The following ZNF280D variants were observed in gnomAD, a reference collection of about 807,000 sequenced individuals.
ZNF280D encodes the protein suppressor of hairy wing homolog 4.
In ZNF280D, 39 loss-of-function variants were observed where a neutral mutation model predicts 94.7. The observed-to-expected ratio is 0.41, with a 90% CI of 0.32 to 0.54. The LOEUF is 0.54. ZNF280D is among the 20% of genes least tolerant of loss of function. The pLI, the probability that ZNF280D is intolerant of heterozygous loss-of-function variation, is 0.22. For missense variants in ZNF280D, 1,090 were observed against 1,149.3 expected (o/e 0.95, Z 0.75); for synonymous variants, 398 against 377.6 (o/e 1.05, Z -0.63).
At chr15:56,728,474 G>A (rs566228193) in intron 1 of ZNF280D, among the ~76,000 whole-genome samples, 1 of 152,164 alleles carries the variant, frequency 6.6e-6, no homozygotes, top group East Asian at 1.9e-4. Context: ...TGCAATTGTG[G>A]AGCAAAGAAG....
At position 56,678,664 on chromosome 15, in the gene ZNF280D, T is replaced by A. The variant is rs1460699126; in HGVS notation, c.1162A>T (p.Thr388Ser). ...ESTHTPHEFS[T>S]ICKICELSFE... ...ATATTTAAATGTATTGGTAACTTAC[T>A]AGAAAATTCATGGGGCGTATGTGTA... is the stretch of plus-strand genomic sequence containing the variant. Residue 388 changes from threonine (T) to serine (S), a missense_variant and splice_region_variant, in exon 11 of 22, where the codon ACT becomes TCT. Thr to Ser is a moderately conservative substitution (Grantham distance 58). Coordinates refer to ENST00000267807, the MANE Select transcript of ZNF280D (RefSeq NM_017661.4). 1.3e-6 allele frequency: 2 copies of A among 1,582,734 alleles called. No homozygotes were observed. The highest frequency in any genetic ancestry group is 1.7e-6 in the Non-Finnish European group (2 of 1,165,270).
intron 19 of ZNF280D, chr15:56,653,219 G>T (rs539427120): frequency 1.8e-6 from 2 of 1,106,644 alleles, no homozygotes; most frequent in African/African-American, 3.2e-5. Flanking sequence ...TCATGCTAGA[G>T]AAAGATTTAA....
intron 1 of ZNF280D, among the ~76,000 whole-genome samples, chr15:56,716,767 ACT>A (rs1303251936): frequency 1.5e-4 from 23 of 152,290 alleles, no homozygotes; most frequent in South Asian, 1.5e-3. Flanking sequence ...CACTTGAAAT[ACT>A]ACATATTGGC....
rs200439721 is a variant in ZNF280D at position 56,665,341 on chromosome 15, T to C, written c.1994+1054A>G. 2.0e-5 allele frequency among the ~76,000 whole-genome samples: 3 copies of C among 152,276 alleles called. No homozygotes were observed. The East Asian group carries it at 5.8e-4, about 29-fold the overall frequency. On this transcript the variant is annotated intron_variant, in intron 16 of 21. Transcript: ENST00000267807. Reference sequence around the variant, plus strand: ...TCTCAGGTTTATATCTAAACAACTTTTGCCTACTTAAAAAAAATACAAACC... The same window carrying C: ...TCTCAGGTTTATATCTAAACAACTTCTGCCTACTTAAAAAAAATACAAACC...
At chr15:56,652,361 A>G (rs1261509307) in intron 19 of ZNF280D, 1 of 155,194 alleles carries the variant, frequency 6.4e-6, no homozygotes, top group East Asian at 1.9e-4. Flanking sequence ...AATGCAAGGT[A>G]TACTAACTAG....
At chr15:56,664,406 G>A (rs1351599108) in intron 16 of ZNF280D, among the ~76,000 whole-genome samples, 2 of 152,096 alleles carry the variant, frequency 1.3e-5, no homozygotes, top group African/African-American at 4.8e-5. Context: ...ACCATATAGA[G>A]AGAAAGAGAT....
At chr15:56,659,530 T>C (rs1289614155) in intron 16 of ZNF280D, among the ~76,000 whole-genome samples, 2 of 152,134 alleles carry the variant, frequency 1.3e-5, no homozygotes, top group African/African-American at 2.4e-5. Flanking sequence ...ATTATCTTAC[T>C]GTGTGTAATT....
intron 1 of ZNF280D, among the ~76,000 whole-genome samples, chr15:56,724,583 T>C (rs2058540501): frequency 6.6e-6 from 1 of 152,228 alleles, no homozygotes; most frequent in Non-Finnish European, 1.5e-5. Flanking sequence ...ACACAATATC[T>C]GGCACCCAGT....
At chr15:56,676,461 T>A (rs2055241293) in intron 13 of ZNF280D, among the ~76,000 whole-genome samples, 1 of 152,078 alleles carries the variant, frequency 6.6e-6, no homozygotes, top group Admixed American at 6.6e-5. Context: ...TTTCAGAATT[T>A]TCATTATTTA....
intron 1 of ZNF280D, among the ~76,000 whole-genome samples, chr15:56,708,528 T>C (rs760583284): frequency 3.3e-5 from 5 of 152,266 alleles, no homozygotes; most frequent in Middle Eastern, 6.8e-3. Context: ...TGTTTTTAAG[T>C]TATCAGGTAA....
intron 17 of ZNF280D, among the ~76,000 whole-genome samples, chr15:56,655,496 C>A (rs748667772): frequency 3.9e-5 from 6 of 152,222 alleles, no homozygotes; most frequent in Non-Finnish European, 7.3e-5. Flanking sequence ...TGAGCCACTG[C>A]GCCCGGCCTG....
intron 19 of ZNF280D, chr15:56,652,620 A>G: frequency 2.0e-6 from 2 of 984,512 alleles, no homozygotes; most frequent in Non-Finnish European, 1.2e-6. Context: ...TGGTCACCAT[A>G]TGTATGTTTT....
intron 10 of ZNF280D, among the ~76,000 whole-genome samples, chr15:56,681,889 C>T (rs1056469642): frequency 6.6e-6 from 1 of 151,926 alleles, no homozygotes; most frequent in African/African-American, 2.4e-5. Flanking sequence ...TGAACAAACA[C>T]AGAGTGGTTC....
At chr15:56,668,372 G>A (rs2054439922) in intron 14 of ZNF280D, 1 of 316,288 alleles carries the variant, frequency 3.2e-6, no homozygotes, top group African/African-American at 2.3e-5. Context: ...AGTAGAACTT[G>A]CTTCTCAGAG....
At chr15:56,638,900 A>G (rs2052481376) in intron 20 of ZNF280D, among the ~76,000 whole-genome samples, 1 of 152,050 alleles carries the variant, frequency 6.6e-6, no homozygotes, top group Non-Finnish European at 1.5e-5. Context: ...TTCAATGATT[A>G]TTTTAGCCTC....
At chr15:56,719,648 C>T (rs971522698) in intron 1 of ZNF280D, among the ~76,000 whole-genome samples, 1 of 152,088 alleles carries the variant, frequency 6.6e-6, no homozygotes, top group Non-Finnish European at 1.5e-5. Context: ...CTACTGAAAA[C>T]TACTATCTAG....
chr15:56,699,884 C>T (rs1343085655), intron 6 of ZNF280D: 6 of 152,764 alleles, frequency 3.9e-5, no homozygotes, highest in African/African-American at 1.4e-4. Context: ...GGGTAATACT[C>T]AGTTGAGTAA....
intron 21 of ZNF280D, among the ~76,000 whole-genome samples, chr15:56,634,476 G>A (rs2052253142): frequency 1.3e-5 from 2 of 152,062 alleles, no homozygotes; most frequent in South Asian, 2.1e-4. Context: ...GAAAGGGCGA[G>A]ATAACTTTAC....
intron 9 of ZNF280D, 70 bp from the exon 10 acceptor site, chr15:56,682,547 G>T: frequency 9.9e-7 from 1 of 1,013,044 alleles, no homozygotes; most frequent in Non-Finnish European, 1.4e-6. Flanking sequence ...ACCAAAAAGT[G>T]ATTGTGTGTT....
Sources: allele counts gnomAD v4.1 joint callset (sites outside exome capture counted in the v4.1 genomes callset), GRCh38; gene constraint gnomAD v4.1.1; transcripts MANE v1.5; gene names NCBI Gene and HGNC (gene_info 2026-07-23, HGNC 2026-07-21).